Variants in ANGEL1 observed in about 807,000 individuals in gnomAD.
ANGEL1 encodes angel homolog 1, also known as RNA 2',3'-cyclic phosphatase ANGEL1.
A neutral mutation model predicts 76.4 loss-of-function variants in ANGEL1; 62 were observed. The observed-to-expected ratio is 0.81, with a 90% CI of 0.66 to 1.00. The LOEUF is 1.00. ANGEL1 is among the 50% of genes least tolerant of loss of function. The pLI is 0.00. For missense variants in ANGEL1, 737 were observed against 836.7 expected (o/e 0.88, Z 1.47); for synonymous variants, 340 against 331.7 (o/e 1.03, Z -0.27).
chr14:76,804,997 G>A (rs1025211369), intron 5 of ANGEL1, among the ~76,000 whole-genome samples: 12 of 150,832 alleles, frequency 8.0e-5, no homozygotes, highest in African/African-American at 2.0e-4. Flanking sequence ...GCAACAGAGC[G>A]AGACTCTGTC....
At position 76,803,476 on chromosome 14, in the gene ANGEL1, GTC is replaced by G. The variant is rs761394315; in HGVS notation, c.1511_1512del (p.Arg504ThrfsTer34). ...VTSCHPKRSE[R>X]RKYGRDFLLR... ...AGCAGGAAGTCTCGGCCATACTTGC[GTC>G]TCTCTGTAAACCAGGAAAAGACATA... On this transcript the variant is annotated frameshift_variant, in exon 7 of 10. Transcript: ENST00000251089. LOFTEE classifies it high-confidence loss of function. 6 of 1,614,084 alleles carry G rather than the reference GTC, an allele frequency of 3.7e-6. No homozygotes were observed. Among genetic ancestry groups the G allele is most frequent in the Non-Finnish European group, 5.1e-6 (6 of 1,179,966 alleles).
In ANGEL1 at chr14:76,787,251, A is replaced by G. The variant is rs570718422; in HGVS notation, c.*1977T>C. 8.5e-5 allele frequency: 13 copies of G among 152,328 alleles called. No homozygotes were observed. Among genetic ancestry groups the G allele is most frequent in the African/African-American group, 2.2e-4 (9 of 41,566 alleles). The allele number at this position is 152,328 out of a possible 1,614,324, so 9.4% of individuals were successfully genotyped here. A position where few individuals can be genotyped will look rare whatever the true frequency, so the allele number is the denominator to read the frequency against. ...TAATAAAATGAACAACATTGGGGGG[A>G]AAAAAGGTAAACCTTTATTTGGAAA... On this transcript the variant is annotated 3_prime_UTR_variant, in exon 10 of 10. Coordinates refer to ENST00000251089, the MANE Select transcript of ANGEL1 (RefSeq NM_015305.4).
At chr14:76,791,484 A>T in intron 7 of ANGEL1, 118 bp from the exon 8 acceptor site, 3 of 893,514 alleles carry the variant, frequency 3.4e-6, no homozygotes, top group Non-Finnish European at 5.1e-6. Flanking sequence ...AAGGATCCAG[A>T]AGGAGAAAGG....
intron 8 of ANGEL1, 88 bp downstream of exon 8, chr14:76,791,209 A>G: frequency 7.0e-7 from 1 of 1,426,444 alleles, no homozygotes; most frequent in African/African-American, 1.4e-5. Context: ...TGCTCCCCCA[A>G]GTCAACCTCA....
At chr14:76,802,558 C>CCA (rs1289474402) in intron 7 of ANGEL1, among the ~76,000 whole-genome samples, 1 of 152,180 alleles carries the variant, frequency 6.6e-6, no homozygotes, top group Non-Finnish European at 1.5e-5. Flanking sequence ...CTCTCTACCA[C>CCA]TTGAACAGAT....
At chr14:76,792,538 A>C (rs1267066730) in intron 7 of ANGEL1, among the ~76,000 whole-genome samples, 1 of 152,204 alleles carries the variant, frequency 6.6e-6, no homozygotes, top group Non-Finnish European at 1.5e-5. Flanking sequence ...ATTATATACT[A>C]TGACCAAATA....
intron 7 of ANGEL1, among the ~76,000 whole-genome samples, chr14:76,798,946 CAAAAAAAAAA>C (rs58535403): frequency 4.5e-4 from 33 of 73,810 alleles, no homozygotes; most frequent in African/African-American, 1.5e-3. Context: ...GACTCTGTCT[CAAAAAAAAAA>C]AAAAAAAAAC....
intron 7 of ANGEL1, among the ~76,000 whole-genome samples, chr14:76,795,161 C>A (rs534965826): frequency 2.0e-4 from 31 of 152,076 alleles, no homozygotes; most frequent in African/African-American, 7.2e-4. Context: ...AGGAAATTAT[C>A]CATTTTTTTC....
In ANGEL1 at chr14:76,803,844, G is replaced by A. The variant is rs1894836848; in HGVS notation, c.1449C>T (p.Ser483=). Residue 483 remains serine, a synonymous_variant, in exon 6 of 10, where the codon AGC becomes AGT. Transcript: ENST00000251089. ...GACAGCAATCAGTGATGCCCAGGGA[G>A]CTGGGCCACAGTGGGGCCTGCAGCT... ...QRKLQAPLWP[S]SLGITDCCQY... 1 of 1,614,084 alleles carries A rather than the reference G, an allele frequency of 6.2e-7. No homozygotes were observed. The highest frequency in any genetic ancestry group is 1.7e-5 in the Admixed American group (1 of 60,012).
intron 7 of ANGEL1, among the ~76,000 whole-genome samples, chr14:76,794,714 T>C (rs984889054): frequency 2.0e-5 from 3 of 151,876 alleles, no homozygotes; most frequent in African/African-American, 7.2e-5. Flanking sequence ...ATATGCCTTA[T>C]ATTCTTCCTG....
At position 76,790,710 on chromosome 14, in the gene ANGEL1, G is replaced by A. The variant is rs759294719; in HGVS notation, c.1753C>T (p.Arg585Cys). Residue 585 changes from arginine (R) to cysteine (C), a missense_variant, in exon 9 of 10, where the codon CGT becomes TGT. By Grantham distance (180) the Arg-to-Cys change is radical (BLOSUM62 -3). Coordinates refer to ENST00000251089, the MANE Select transcript of ANGEL1 (RefSeq NM_015305.4). ...ATTGTAGTGACCTCTGGGCGGCCAC[G>A]CTGGGGCAGGAAGTGGGTATATACT... ...TSVYTHFLPQ[R>C]GRPEVTTMPL... 14 of 1,614,030 alleles carry A rather than the reference G, an allele frequency of 8.7e-6. No individual in the cohort carries two copies. The highest frequency in any genetic ancestry group is 1.3e-5 in the African/African-American group (1 of 74,910).
At chr14:76,800,605 T>C (rs1308719253) in intron 7 of ANGEL1, among the ~76,000 whole-genome samples, 1 of 152,232 alleles carries the variant, frequency 6.6e-6, no homozygotes, top group Non-Finnish European at 1.5e-5. Context: ...TTGAGTATAA[T>C]ATTCTTGAAC....
chr14:76,792,782 A>G (rs1894444603), intron 7 of ANGEL1, among the ~76,000 whole-genome samples: 2 of 152,216 alleles, frequency 1.3e-5, no homozygotes, highest in Non-Finnish European at 2.9e-5. Flanking sequence ...CTCACAGCTA[A>G]TATCATACTT....
chr14:76,789,442 G>A (rs763093776), intron 9 of ANGEL1, 54 bp from the exon 10 acceptor site: 143 of 1,600,016 alleles, frequency 8.9e-5, no homozygotes, highest in Non-Finnish European at 8.0e-5. Flanking sequence ...CACACTGCAT[G>A]GGCAGGCAGT....
intron 5 of ANGEL1, among the ~76,000 whole-genome samples, chr14:76,805,971 T>A (rs1204269261): frequency 2.6e-5 from 4 of 152,234 alleles, no homozygotes; most frequent in Non-Finnish European, 5.9e-5. Flanking sequence ...GGCACACACT[T>A]AAGTGCTTAA....
intron 2 of ANGEL1, among the ~76,000 whole-genome samples, chr14:76,808,648 C>T (rs2075774): frequency 0.61 from 92,824 of 151,932 alleles, 28,751 homozygotes; most frequent in African/African-American, 0.69. Flanking sequence ...CAAATTTTAA[C>T]GGACTCTCAA....
Position 76,806,557 on chromosome 14 carries a change from T to C in ANGEL1, c.1239A>G (p.Glu413=). The change falls in exon 5 of 10, where the codon GAA becomes GAG. Residue 413 remains glutamate, a synonymous_variant. Coordinates refer to ENST00000251089, the MANE Select transcript of ANGEL1 (RefSeq NM_015305.4). ...CTGACAGTCTGGCCACCTTGTCCAC[T>C]TCCGCCAGGAGAATGGCCATCTGGG... ...KLAQMAILLA[E]VDKVARLSDG... 6.2e-7 allele frequency: 1 copy of C among 1,614,168 alleles called. No homozygotes were observed. Among genetic ancestry groups the C allele is most frequent in the Non-Finnish European group, 8.5e-7 (1 of 1,180,026 alleles).
chr14:76,804,145 C>A (rs1050293925), intron 5 of ANGEL1: 1 of 1,435,626 alleles, frequency 7.0e-7, no homozygotes. Context: ...GGGTAAGAGA[C>A]TGAATCAAGG....
chr14:76,807,470 A>G lies in ANGEL1; in HGVS notation c.909T>C (p.His303=), dbSNP rs1243180573. ...GAGAGGGTTCCAGCTGCTCCCAGTA[A>G]TGATCTTCCTGGACTTCCTGGAGAC... ...ILCLQEVQED[H]YWEQLEPSLR... The change falls in exon 4 of 10, where the codon CAT becomes CAC. Residue 303 remains histidine, a synonymous_variant. Coordinates refer to ENST00000251089, the MANE Select transcript of ANGEL1 (RefSeq NM_015305.4). 6.2e-7 allele frequency: 1 copy of G among 1,613,572 alleles called. No individual in the cohort carries two copies. Among genetic ancestry groups the G allele is most frequent in the South Asian group, 1.1e-5 (1 of 90,872 alleles).
Sources: allele counts gnomAD v4.1 joint callset (sites outside exome capture counted in the v4.1 genomes callset), GRCh38; gene constraint gnomAD v4.1.1; transcripts MANE v1.5; gene names NCBI Gene and HGNC (gene_info 2026-07-23, HGNC 2026-07-21).